Variants in AKAP12 observed in about 807,000 individuals in gnomAD.
AKAP12 encodes A-kinase anchor protein 12.
In AKAP12, 32 loss-of-function variants were observed where a neutral mutation model predicts 79.9. The ratio of observed to expected loss-of-function variants is 0.40; its 90% CI spans 0.30 to 0.54. AKAP12 has a LOEUF of 0.54. Among genes scored for constraint, AKAP12 ranks in the 20% least tolerant of loss-of-function variants. AKAP12 has a pLI of 0.48. For synonymous variants in AKAP12, 808 were observed against 857.0 expected (o/e 0.94, Z 1.00); for missense variants, 2,074 against 2,177.0 (o/e 0.95, Z 0.94).
intron 2 of AKAP12, among the ~76,000 whole-genome samples, chr6:151,247,874 AG>A (rs1218819752): frequency 1.3e-5 from 2 of 152,300 alleles, no homozygotes; most frequent in Admixed American, 1.3e-4. Context: ...GGACACCATT[AG>A]GCACCTCTTA....
chr6:151,273,232 A>G (rs1776225996), intron 2 of AKAP12, among the ~76,000 whole-genome samples: 1 of 152,216 alleles, frequency 6.6e-6, no homozygotes, highest in Non-Finnish European at 1.5e-5. Flanking sequence ...TAGCAAGAAT[A>G]CCACTTAGGT....
chr6:151,289,441 A>G (rs113516687), intron 2 of AKAP12, among the ~76,000 whole-genome samples: 24 of 152,354 alleles, frequency 1.6e-4, no homozygotes, highest in African/African-American at 5.8e-4. Context: ...GTATGAAAAA[A>G]TAGATTTGGT....
In AKAP12 at chr6:151,349,865, C is replaced by T. The variant is rs758424925; in HGVS notation, c.1474C>T (p.Pro492Ser). 2 of 1,614,136 alleles carry T rather than the reference C, an allele frequency of 1.2e-6. No individual in the cohort carries two copies. Among genetic ancestry groups the T allele is most frequent in the Admixed American group, 3.3e-5 (2 of 60,014 alleles). Residue 492 changes from proline (P) to serine (S), a missense_variant, in exon 4 of 5, where the codon CCC (proline) becomes TCC (serine). Physicochemically the swap from Pro to Ser is moderately conservative, Grantham distance 74 (BLOSUM62 -1). Transcript: ENST00000402676. ...LSPDEKVLSK[P>S]PEGVVSEVEM... ...TCCTGATGAGAAGGTGCTGTCCAAACCCCCCGAAGGCGTTGTGAGTGAGGT... is the reference window on the plus strand; with the variant it reads ...TCCTGATGAGAAGGTGCTGTCCAAATCCCCCGAAGGCGTTGTGAGTGAGGT...
chr6:151,246,922 G>C (rs981774753), intron 2 of AKAP12, among the ~76,000 whole-genome samples: 13 of 152,092 alleles, frequency 8.5e-5, no homozygotes, highest in South Asian at 4.2e-4. Context: ...CCACCAGGTA[G>C]CTGGGACTAC....
At chr6:151,276,711 C>T (rs943722498) in intron 2 of AKAP12, among the ~76,000 whole-genome samples, 3 of 152,224 alleles carry the variant, frequency 2.0e-5, no homozygotes, top group African/African-American at 4.8e-5. Context: ...CTTGAAGAAA[C>T]TTATGTATTT....
chr6:151,350,022 CA>C lies in AKAP12; in HGVS notation c.1632del (p.Glu546SerfsTer38). ...KGKRGGGDEE[S>X]GEHTQVPADS... ...AAAAGAGGAGGAGGAGACGAGGAATCAGGGGAGCACACTCAGGTTCCAGCCG... is the reference window on the plus strand; with the variant it reads ...AAAAGAGGAGGAGGAGACGAGGAATCGGGGAGCACACTCAGGTTCCAGCCG... On this transcript the variant is annotated frameshift_variant, in exon 4 of 5. Coordinates refer to ENST00000402676, the MANE Select transcript of AKAP12 (RefSeq NM_005100.4). LOFTEE classifies it high-confidence loss of function. This position sits in a 1 kb window ranked among gnomAD's most constrained non-coding sequence, Gnocchi z 4.8. 6.2e-7 allele frequency: 1 copy of C among 1,614,060 alleles called. No homozygotes were observed. The highest frequency in any genetic ancestry group is 8.5e-7 in the Non-Finnish European group (1 of 1,180,014).
At chr6:151,301,137 A>C (rs1776856230) in intron 2 of AKAP12, among the ~76,000 whole-genome samples, 1 of 152,152 alleles carries the variant, frequency 6.6e-6, no homozygotes, top group African/African-American at 2.4e-5. Flanking sequence ...AATGAATCCC[A>C]TCTGGTTCCA....
intron 2 of AKAP12, among the ~76,000 whole-genome samples, chr6:151,296,895 T>G (rs1262231184): frequency 1.3e-5 from 2 of 152,188 alleles, no homozygotes; most frequent in Non-Finnish European, 2.9e-5. Flanking sequence ...AAACTTCTCA[T>G]AAATCTGGAT....
Position 151,337,639 on chromosome 6 carries a change from T to C in AKAP12, c.320-11072T>C, listed in dbSNP as rs559404606. ...ACCTATCCCAAATAGTGGGATATTGTCAACATTTTCCCTCGCTTGCTATAT... is the reference window on the plus strand; with the variant it reads ...ACCTATCCCAAATAGTGGGATATTGCCAACATTTTCCCTCGCTTGCTATAT... On this transcript the variant is annotated intron_variant, in intron 3 of 4. Transcript: ENST00000402676. 2.0e-5 allele frequency among the ~76,000 whole-genome samples: 3 copies of C among 152,330 alleles called. No homozygotes were observed. The East Asian group carries it at 5.8e-4, about 29-fold the overall frequency.
chr6:151,340,478 G>A (rs1250360278), intron 3 of AKAP12, among the ~76,000 whole-genome samples: 2 of 152,120 alleles, frequency 1.3e-5, no homozygotes, highest in Admixed American at 6.6e-5. Flanking sequence ...AAAACAAACC[G>A]CAGACTGTCC....
rs550615983 is a variant in AKAP12 at position 151,343,900 on chromosome 6, T to C, written c.320-4811T>C. The C allele has an allele frequency of 3.6e-5, 16 of 438,972 alleles. No individual in the cohort carries two copies. The East Asian group carries it at 1.2e-3, about 33-fold the overall frequency. 27.2% of individuals were successfully genotyped at this position (438,972 alleles called of 1,614,324 possible). On this transcript the variant is annotated intron_variant, in intron 3 of 4. Transcript: ENST00000402676. Reference sequence around the variant, plus strand: ...GTTTATAATAGGAACAAATAGAAACTTAAAGCATTTTCTTATTTCAGAATA... The same window carrying C: ...GTTTATAATAGGAACAAATAGAAACCTAAAGCATTTTCTTATTTCAGAATA...
Position 151,353,529 on chromosome 6 carries a change from C to T in AKAP12, c.5138C>T (p.Ala1713Val). 1 of 1,614,102 alleles carries T rather than the reference C, an allele frequency of 6.2e-7. No homozygotes were observed. Among genetic ancestry groups the T allele is most frequent in the Non-Finnish European group, 8.5e-7 (1 of 1,179,994 alleles). The change falls in exon 4 of 5, where the codon GCC becomes GTC. Residue 1713 changes from alanine (A) to valine (V), a missense_variant. By Grantham distance (64) the Ala-to-Val change is moderately conservative. This residue lies in a region of AKAP12 where 614 missense variants were observed against 665.6 expected (regional missense o/e 0.92). Coordinates refer to ENST00000402676, the MANE Select transcript of AKAP12 (RefSeq NM_005100.4). ...GATGACCCTGAAAACCAGAACTCAGCCCTGGCTGATACTGATGCCTCAGGA... is the reference window on the plus strand; with the variant it reads ...GATGACCCTGAAAACCAGAACTCAGTCCTGGCTGATACTGATGCCTCAGGA... The part of the protein sequence containing the change: ...DVDDPENQNS[A>V]LADTDASGGL...
intron 3 of AKAP12, among the ~76,000 whole-genome samples, chr6:151,334,305 G>A (rs1777754708): frequency 2.0e-5 from 3 of 152,092 alleles, no homozygotes; most frequent in African/African-American, 7.2e-5. Context: ...ATTTGAAAGT[G>A]CATCTCAGCT....
At chr6:151,257,232 A>C (rs1797319979) in intron 2 of AKAP12, among the ~76,000 whole-genome samples, 1 of 151,918 alleles carries the variant, frequency 6.6e-6, no homozygotes, top group South Asian at 2.1e-4. Flanking sequence ...AGTAGTTCCC[A>C]GTGTCTACTG....
intron 3 of AKAP12, among the ~76,000 whole-genome samples, chr6:151,341,038 G>GT (rs1179737287): frequency 6.9e-6 from 1 of 145,774 alleles, no homozygotes; most frequent in Admixed American, 6.9e-5. Flanking sequence ...CTTTTTGTTT[G>GT]TTTTTGTTTC....
At chr6:151,330,350 G>T (rs1777635304) in intron 3 of AKAP12, among the ~76,000 whole-genome samples, 1 of 152,090 alleles carries the variant, frequency 6.6e-6, no homozygotes, top group Non-Finnish European at 1.5e-5. Flanking sequence ...CTCCAGTATG[G>T]GATCCTTGCT....
intron 3 of AKAP12, among the ~76,000 whole-genome samples, chr6:151,332,305 G>T (rs1370076473): frequency 1.3e-5 from 2 of 152,010 alleles, no homozygotes; most frequent in Non-Finnish European, 2.9e-5. Context: ...CAAAGTGCTG[G>T]GATTACAGAC....
In AKAP12 at chr6:151,357,238, G is replaced by A. The variant is rs1366411888; in HGVS notation, c.*1524G>A. ...AGTTTCGCTCTTGTTGCCCAGGCTG[G>A]AGTGCAATGGCACGATCTCAGCTCA... On this transcript the variant is annotated 3_prime_UTR_variant, in exon 5 of 5. Coordinates refer to ENST00000402676, the MANE Select transcript of AKAP12 (RefSeq NM_005100.4). 1.3e-5 allele frequency: 2 copies of A among 154,748 alleles called. No homozygotes were observed. Among genetic ancestry groups the A allele is most frequent in the East Asian group, 3.7e-4 (2 of 5,334 alleles). 9.6% of individuals were successfully genotyped at this position (154,748 alleles called of 1,614,324 possible).
intron 2 of AKAP12, among the ~76,000 whole-genome samples, chr6:151,288,524 G>A (rs1776552578): frequency 6.6e-6 from 1 of 152,096 alleles, no homozygotes; most frequent in Non-Finnish European, 1.5e-5. Context: ...AAGAAAGAAA[G>A]AAAGAAAAAG....
Sources: gnomAD v4.1 joint callset for allele counts (sites outside exome capture counted in the v4.1 genomes callset) on GRCh38, gnomAD v4.1.1 for gene constraint, gnomAD v4.1.1 regional missense constraint, Gnocchi (gnomAD v3.1) non-coding constraint, MANE v1.5 for transcripts, NCBI Gene and HGNC (gene_info 2026-07-23, HGNC 2026-07-21) for gene names.